The following EXOC6B variants were observed in gnomAD, a reference collection of about 807,000 sequenced individuals.
EXOC6B encodes the protein SEC15 homolog B.
Under a neutral mutation model 113.5 loss-of-function variants are expected in EXOC6B, and 54 were observed. The ratio of observed to expected loss-of-function variants is 0.48; its 90% CI spans 0.38 to 0.60. EXOC6B has a LOEUF of 0.60. EXOC6B is among the 20% of genes least tolerant of loss of function. The pLI, the probability that EXOC6B is intolerant of heterozygous loss-of-function variation, is 0.00. For missense variants in EXOC6B, 797 were observed against 977.5 expected, an observed-to-expected ratio of 0.82 and a Z score of 2.46; for synonymous variants, 357 against 339.0, an observed-to-expected ratio of 1.05 and a Z score of -0.58.
chr2:72,365,113 A>G lies in EXOC6B; in HGVS notation c.2122+14616T>C, dbSNP rs372979751. Reference sequence around the variant, plus strand: ...AGAAACAGTTCTGTTGCTGTTATATATTATCATGTCTAGGTGAAAGGCATG... The same window carrying G: ...AGAAACAGTTCTGTTGCTGTTATATGTTATCATGTCTAGGTGAAAGGCATG... On this transcript the variant is annotated intron_variant, in intron 19 of 21. Coordinates refer to ENST00000272427, the MANE Select transcript of EXOC6B (RefSeq NM_015189.3). Among the ~76,000 whole-genome samples the G allele has an allele frequency of 1.4e-4, 22 of 152,250 alleles. 2 individuals carry two copies. The highest frequency in any genetic ancestry group is 4.6e-4 in the African/African-American group (19 of 41,562).
chr2:72,354,222 C>T (rs901534485), intron 19 of EXOC6B: 2 of 152,174 alleles, frequency 1.3e-5, no homozygotes, highest in Admixed American at 6.5e-5. Flanking sequence ...ATTTACCAAA[C>T]AGCCAGACAG....
intron 6 of EXOC6B, among the ~76,000 whole-genome samples, chr2:72,696,145 G>T (rs1478520285): frequency 1.3e-5 from 2 of 152,038 alleles, no homozygotes; most frequent in East Asian, 3.9e-4. Context: ...TACTATACTG[G>T]GGAAAGACAA....
In EXOC6B at chr2:72,440,826, A is replaced by G. The variant is rs535111947; in HGVS notation, c.1980+24334T>C. On this transcript the variant is annotated intron_variant, in intron 18 of 21. Transcript: ENST00000272427. ...TCACACATAGGCTCAAAATAAAGGG[A>G]TGGAGGAAAATCTACGAAGCAAATG... 6.0e-4 allele frequency among the ~76,000 whole-genome samples: 91 copies of G among 152,266 alleles called. 1 individual carries two copies. Among genetic ancestry groups the G allele is most frequent in the African/African-American group, 2.1e-3 (87 of 41,550 alleles).
intron 20 of EXOC6B, among the ~76,000 whole-genome samples, chr2:72,210,178 A>G (rs945008701): frequency 6.6e-6 from 1 of 152,146 alleles, no homozygotes; most frequent in Admixed American, 6.5e-5. Context: ...CATCTACTCA[A>G]TCAACCTTCA....
At chr2:72,189,860 C>CTTTCTTTTTTTTTTT (rs1553462592) in intron 20 of EXOC6B, among the ~76,000 whole-genome samples, 14 of 87,216 alleles carry the variant, frequency 1.6e-4, no homozygotes, top group African/African-American at 5.9e-4. Flanking sequence ...CCTTCTTCTT[C>CTTTCTTTTTTTTTTT]TTTTTTTTTT....
chr2:72,669,474 A>T (rs1382275187), intron 6 of EXOC6B, among the ~76,000 whole-genome samples: 2 of 152,178 alleles, frequency 1.3e-5, no homozygotes, highest in African/African-American at 4.8e-5. Flanking sequence ...AAATGTGAGA[A>T]ATTAACACTA....
chr2:72,442,024 C>A (rs1469162674), intron 18 of EXOC6B, among the ~76,000 whole-genome samples: 1 of 152,138 alleles, frequency 6.6e-6, no homozygotes, highest in Non-Finnish European at 1.5e-5. Context: ...CAAATCAAAT[C>A]GAGCAGCGCA....
chr2:72,269,551 C>T (rs1056274518), intron 20 of EXOC6B, among the ~76,000 whole-genome samples: 5 of 152,138 alleles, frequency 3.3e-5, no homozygotes, highest in African/African-American at 1.2e-4. Flanking sequence ...TGGCTCACAC[C>T]TATCATTCCA....
chr2:72,399,906 A>G lies in EXOC6B; in HGVS notation c.1981-20036T>C, dbSNP rs1693028144. 4.6e-5 allele frequency among the ~76,000 whole-genome samples: 7 copies of G among 152,180 alleles called. No individual in the cohort carries two copies. The South Asian group carries it at 1.4e-3, about 31-fold the overall frequency. The stretch of plus-strand genomic sequence containing the variant: ...CAATTTCTATCAAAATGCCAATGTG[A>G]TTTTTCACAGTAATAGAAAAACCAA... On this transcript the variant is annotated intron_variant, in intron 18 of 21. Coordinates refer to ENST00000272427, the MANE Select transcript of EXOC6B (RefSeq NM_015189.3).
At chr2:72,692,154 A>G (rs928214729) in intron 6 of EXOC6B, among the ~76,000 whole-genome samples, 2 of 152,132 alleles carry the variant, frequency 1.3e-5, no homozygotes, top group African/African-American at 4.8e-5. Context: ...TAATTATTAT[A>G]TGCTTACTAG....
At chr2:72,386,151 T>C (rs1206093330) in intron 18 of EXOC6B, among the ~76,000 whole-genome samples, 1 of 151,710 alleles carries the variant, frequency 6.6e-6, no homozygotes, top group Non-Finnish European at 1.5e-5. Context: ...AAATCTGCTA[T>C]ATATATACAC....
intron 20 of EXOC6B, among the ~76,000 whole-genome samples, chr2:72,206,370 C>G (rs1046663734): frequency 5.1e-4 from 78 of 152,276 alleles, no homozygotes; most frequent in African/African-American, 1.7e-3. Context: ...CCTCCTTTTC[C>G]CACCATCCTT....
chr2:72,732,322 T>A (rs1680695199), intron 3 of EXOC6B, among the ~76,000 whole-genome samples: 1 of 151,690 alleles, frequency 6.6e-6, no homozygotes, highest in South Asian at 2.1e-4. Context: ...TTATGGTTGT[T>A]TTTTTTGTTT....
At chr2:72,558,659 C>T (rs1416424119) in intron 8 of EXOC6B, among the ~76,000 whole-genome samples, 1 of 152,212 alleles carries the variant, frequency 6.6e-6, no homozygotes, top group African/African-American at 2.4e-5. Context: ...ATCCCAGCTA[C>T]TCGAGAGGCT....
chr2:72,184,837 G>T (rs1326681326), intron 20 of EXOC6B, among the ~76,000 whole-genome samples: 2 of 152,196 alleles, frequency 1.3e-5, no homozygotes, highest in Non-Finnish European at 2.9e-5. Flanking sequence ...GCAGACACAG[G>T]CTAAGAAGAT....
rs545461155 is a variant in EXOC6B at position 72,556,351 on chromosome 2, T to C, written c.915+3102A>G. ...TTGCCAGAGTTTCAATGGGAAATCA[T>C]TAGACATTCACTTTATAGTCCTGAT... On this transcript the variant is annotated intron_variant, in intron 8 of 21. Coordinates refer to ENST00000272427, the MANE Select transcript of EXOC6B (RefSeq NM_015189.3). Among the ~76,000 whole-genome samples the C allele has an allele frequency of 6.6e-5, 10 of 152,364 alleles. No homozygotes were observed. In the South Asian group the frequency reaches 1.7e-3, roughly 25 times the overall value.
chr2:72,589,040 G>A (rs78913999), intron 6 of EXOC6B, among the ~76,000 whole-genome samples: 3,944 of 151,968 alleles, frequency 0.026, 156 homozygotes, highest in African/African-American at 0.089. Flanking sequence ...AAAAGGCAGT[G>A]ACGCCAAGAA....
intron 8 of EXOC6B, among the ~76,000 whole-genome samples, chr2:72,531,940 G>C (rs1465127567): frequency 6.6e-6 from 1 of 151,940 alleles, no homozygotes; most frequent in Non-Finnish European, 1.5e-5. Context: ...AGCCAAGATT[G>C]TGCCATTGCA....
At chr2:72,539,876 C>A (rs901163296) in intron 8 of EXOC6B, among the ~76,000 whole-genome samples, 14 of 151,428 alleles carry the variant, frequency 9.2e-5, no homozygotes, top group African/African-American at 3.4e-4. Flanking sequence ...ATACATGTGC[C>A]ATGCTGGTGT....
Sources: gnomAD v4.1 joint callset for allele counts (sites outside exome capture counted in the v4.1 genomes callset) on GRCh38, gnomAD v4.1.1 for gene constraint, MANE v1.5 for transcripts, NCBI Gene and HGNC (gene_info 2026-07-23, HGNC 2026-07-21) for gene names.